TRPM1: variants seen among roughly 807,000 people sequenced by gnomAD.
TRPM1 encodes the protein transient receptor potential cation channel subfamily M member 1, also known as TRPM1-203 APA Isoform, Intron 10.
In TRPM1, 113 loss-of-function variants were observed where a neutral mutation model predicts 149.4. The observed-to-expected ratio is 0.76, with a 90% CI of 0.65 to 0.88. TRPM1 has a LOEUF of 0.88. TRPM1 is among the 40% of genes least tolerant of loss of function. The pLI is 0.00. For synonymous variants in TRPM1, 741 were observed against 759.5 expected (o/e 0.98, Z 0.40); for missense variants, 1,976 against 2,038.7 (o/e 0.97, Z 0.59).
chr15:31,101,683 C>T lies in TRPM1; in HGVS notation c.-110G>A. ...TGCCACAGCAGTGGAATGGAGAGGGCACAGCTCAGGCTCTTTCAGCCTCCT... is the reference window on the plus strand; with the variant it reads ...TGCCACAGCAGTGGAATGGAGAGGGTACAGCTCAGGCTCTTTCAGCCTCCT... On this transcript the variant is annotated 5_prime_UTR_variant, in exon 1 of 28. Transcript: ENST00000256552. 2 of 985,948 alleles carry T rather than the reference C, an allele frequency of 2.0e-6. No homozygotes were observed. The highest frequency in any genetic ancestry group is 2.4e-6 in the Non-Finnish European group (2 of 830,308). The allele number at this position is 985,948 out of a possible 1,614,324, so 61.1% of individuals were successfully genotyped here.
At chr15:31,054,604 T>G (rs1347389380) in intron 11 of TRPM1, among the ~76,000 whole-genome samples, 1 of 152,194 alleles carries the variant, frequency 6.6e-6, no homozygotes, top group Non-Finnish European at 1.5e-5. Context: ...CTCTTCGTTA[T>G]GTTTAAAAGC....
chr15:31,126,839 C>T (rs781446263), intron 1 of TRPM1, among the ~76,000 whole-genome samples: 3 of 152,092 alleles, frequency 2.0e-5, no homozygotes, highest in South Asian at 2.1e-4. Context: ...TGGTGGCGAA[C>T]GCCTGCAATT....
At chr15:31,127,685 T>C (rs888009502) in intron 1 of TRPM1, among the ~76,000 whole-genome samples, 2 of 151,900 alleles carry the variant, frequency 1.3e-5, no homozygotes, top group African/African-American at 4.8e-5. Context: ...TGGGACAGGG[T>C]GGCGAGAAGG....
chr15:31,101,585 T>G, intron 1 of TRPM1, 72 bp downstream of exon 1: 42 of 926,744 alleles, frequency 4.5e-5, no homozygotes, highest in Non-Finnish European at 5.3e-5. Context: ...TGTCCACGCT[T>G]GAGTTTACCC....
At chr15:31,057,665 G>T (rs1046290415) in intron 11 of TRPM1, among the ~76,000 whole-genome samples, 9 of 151,998 alleles carry the variant, frequency 5.9e-5, no homozygotes, top group African/African-American at 9.7e-5. Context: ...TCCCCACAGG[G>T]TAGCCTTTGC....
At chr15:31,076,291 G>A (rs759517319) in intron 3 of TRPM1, among the ~76,000 whole-genome samples, 2 of 152,158 alleles carry the variant, frequency 1.3e-5, no homozygotes, top group Non-Finnish European at 2.9e-5. Flanking sequence ...CTACCTGCAT[G>A]AATTTCATAT....
intron 16 of TRPM1, among the ~76,000 whole-genome samples, chr15:31,043,984 A>G (rs903739614): frequency 2.0e-5 from 3 of 152,196 alleles, no homozygotes; most frequent in African/African-American, 7.2e-5. Flanking sequence ...ACCATAGTTG[A>G]GTAAGTAACA....
intron 12 of TRPM1, 144 bp downstream of exon 12, chr15:31,050,265 G>C: frequency 8.4e-7 from 1 of 1,197,146 alleles, no homozygotes; most frequent in Non-Finnish European, 1.2e-6. Flanking sequence ...GTTGTAGTTT[G>C]AAATGCTGAC....
At chr15:31,085,340 T>A (rs2034970974) in intron 1 of TRPM1, among the ~76,000 whole-genome samples, 1 of 152,226 alleles carries the variant, frequency 6.6e-6, no homozygotes, top group African/African-American at 2.4e-5. Flanking sequence ...TTCCATCATT[T>A]AGGACATATG....
At chr15:31,052,234 G>C (rs1178744599) in intron 11 of TRPM1, among the ~76,000 whole-genome samples, 1 of 152,086 alleles carries the variant, frequency 6.6e-6, no homozygotes, top group Non-Finnish European at 1.5e-5. Flanking sequence ...CTTATGTCAG[G>C]GGAGGTGTGC....
chr15:31,105,535 GA>G (rs2035595121), upstream of TRPM1, among the ~76,000 whole-genome samples: 2 of 152,072 alleles, frequency 1.3e-5, no homozygotes, highest in Admixed American at 1.3e-4. Flanking sequence ...TTCAAATTTA[GA>G]AACAGAGGGA....
In TRPM1 at chr15:31,050,518, A is replaced by G. The variant is rs2140941082; in HGVS notation, c.1328T>C (p.Met443Thr). Residue 443 changes from methionine (M) to threonine (T), a missense_variant, in exon 12 of 28, where the codon ATG becomes ACG. Transcript: ENST00000256552. ...TCCTCTTCCTCCCTTGGTGGTGGCC[A>G]TGGGTGGCTTCTTCTCCTTCTCCGT... ...KATEKEKKPP[M>T]ATTKGGRGKG... 5 of 1,613,254 alleles carry G rather than the reference A, an allele frequency of 3.1e-6. No homozygotes were observed. The highest frequency in any genetic ancestry group is 1.3e-5 in the African/African-American group (1 of 74,656).
intron 27 of TRPM1, among the ~76,000 whole-genome samples, chr15:31,019,729 G>A (rs563759071): frequency 1.3e-5 from 2 of 151,098 alleles, no homozygotes; most frequent in East Asian, 2.0e-4. Flanking sequence ...TAGAAACGGG[G>A]TTTCACCATG....
intron 1 of TRPM1, among the ~76,000 whole-genome samples, chr15:31,088,747 C>G (rs77915834): frequency 0.024 from 3,692 of 151,346 alleles, 161 homozygotes; most frequent in African/African-American, 0.084. Flanking sequence ...CGTCTTCCTG[C>G]TACCTGTGGG....
chr15:31,144,644 A>G (rs967358305), intron 1 of TRPM1, among the ~76,000 whole-genome samples: 7 of 152,094 alleles, frequency 4.6e-5, no homozygotes, highest in African/African-American at 1.7e-4. Context: ...ATAAGACAAA[A>G]ATCACATTTT....
chr15:31,091,520 G>A (rs1353851472), intron 1 of TRPM1, among the ~76,000 whole-genome samples: 8 of 152,236 alleles, frequency 5.3e-5, no homozygotes, highest in Non-Finnish European at 1.2e-4. Flanking sequence ...CAGATCCGAA[G>A]GGCAGGGAAG....
At chr15:31,009,577 G>A (rs900228808) in intron 27 of TRPM1, among the ~76,000 whole-genome samples, 2 of 152,040 alleles carry the variant, frequency 1.3e-5, no homozygotes, top group Admixed American at 6.5e-5. Flanking sequence ...TAATCTGTGG[G>A]TTTACGTCTT....
chr15:31,011,666 C>CTTTTTTTTT (rs71106664), intron 27 of TRPM1, among the ~76,000 whole-genome samples: 1 of 138,892 alleles, frequency 7.2e-6, no homozygotes, highest in Non-Finnish European at 1.6e-5. Context: ...ATGCCAATTA[C>CTTTTTTTTT]TTTTTTTTTT....
intron 1 of TRPM1, among the ~76,000 whole-genome samples, chr15:31,145,919 CAA>C (rs199510375): frequency 7.7e-6 from 1 of 130,272 alleles, no homozygotes; most frequent in Admixed American, 7.5e-5. Context: ...ATAGCAGATA[CAA>C]AAAAAAAACA....
Sources: allele counts gnomAD v4.1 joint callset (sites outside exome capture counted in the v4.1 genomes callset), GRCh38; gene constraint gnomAD v4.1.1; transcripts MANE v1.5; gene names NCBI Gene and HGNC (gene_info 2026-07-23, HGNC 2026-07-21).